Variants in MEMO1 observed in about 807,000 individuals in gnomAD.
MEMO1 encodes mediator of cell motility 1.
MEMO1 carries 6 observed loss-of-function variants against 45.2 expected under a neutral mutation model. The ratio of observed to expected loss-of-function variants is 0.13; its 90% CI spans 0.07 to 0.26. MEMO1 has a LOEUF of 0.26. Ranked by LOEUF, MEMO1 falls within the 10% of genes least tolerant of loss-of-function variation. The pLI is 1.00. For missense variants in MEMO1, 184 were observed against 370.5 expected (o/e 0.50, Z 4.13); for synonymous variants, 78 against 124.3 (o/e 0.63, Z 2.48).
intron 6 of MEMO1, among the ~76,000 whole-genome samples, chr2:31,896,106 G>C (rs1206628418): frequency 6.6e-6 from 1 of 152,108 alleles, no homozygotes; most frequent in African/African-American, 2.4e-5. Flanking sequence ...GCCTCCCAAA[G>C]TGCTGGGATT....
chr2:31,970,997 C>T (rs1669329929), intron 2 of MEMO1, among the ~76,000 whole-genome samples: 1 of 152,124 alleles, frequency 6.6e-6, no homozygotes, highest in African/African-American at 2.4e-5. Flanking sequence ...GAGCGAGACT[C>T]CATCTCAAAA....
intron 2 of MEMO1, among the ~76,000 whole-genome samples, chr2:32,009,671 G>A (rs1007435825): frequency 6.6e-6 from 1 of 152,116 alleles, no homozygotes; most frequent in African/African-American, 2.4e-5. Flanking sequence ...GGCACTCCCC[G>A]GACCGCCAGC....
At chr2:31,970,336 A>G (rs1363938711) in intron 2 of MEMO1, among the ~76,000 whole-genome samples, 2 of 152,110 alleles carry the variant, frequency 1.3e-5, no homozygotes, top group African/African-American at 2.4e-5. Context: ...TCTCACGACA[A>G]TTTTACGTTT....
intron 2 of MEMO1, among the ~76,000 whole-genome samples, chr2:31,960,694 T>C (rs555965978): frequency 3.9e-5 from 6 of 152,160 alleles, no homozygotes; most frequent in Non-Finnish European, 8.8e-5. Flanking sequence ...CAAGCAATTC[T>C]TGTGCCTCAG....
intron 9 of MEMO1, 42 bp downstream of exon 9, chr2:31,869,806 A>G (rs1262455617): frequency 1.3e-6 from 2 of 1,560,704 alleles, no homozygotes; most frequent in Non-Finnish European, 1.7e-6. Context: ...GGAATATCAT[A>G]TGACCAAATG....
intron 6 of MEMO1, among the ~76,000 whole-genome samples, chr2:31,902,484 A>G (rs1005524464): frequency 7.9e-5 from 12 of 152,160 alleles, no homozygotes; most frequent in Non-Finnish European, 1.5e-4. Flanking sequence ...TGCAGAAGAA[A>G]AAAAAGAAAA....
intron 2 of MEMO1, among the ~76,000 whole-genome samples, chr2:31,986,701 G>A (rs188516938): frequency 7.4e-4 from 113 of 152,198 alleles, no homozygotes; most frequent in East Asian, 7.7e-4. Context: ...TATTCTAAAG[G>A]AGACAGGCAG....
chr2:31,881,666 T>A (rs1268958067), intron 8 of MEMO1, among the ~76,000 whole-genome samples: 2 of 152,126 alleles, frequency 1.3e-5, no homozygotes, highest in African/African-American at 4.8e-5. Context: ...ATGCTTTTTT[T>A]ATAGCTCTTT....
intron 2 of MEMO1, among the ~76,000 whole-genome samples, chr2:32,005,728 C>T (rs953422127): frequency 6.6e-6 from 1 of 152,110 alleles, no homozygotes; most frequent in Non-Finnish European, 1.5e-5. Flanking sequence ...CCAATACTTC[C>T]CACTTGCTAA....
intron 8 of MEMO1, among the ~76,000 whole-genome samples, chr2:31,873,469 TA>T (rs1329262422): frequency 2.6e-5 from 4 of 152,112 alleles, no homozygotes; most frequent in Non-Finnish European, 4.4e-5. Flanking sequence ...AACCCCAAAC[TA>T]AATAGGCAGT....
chr2:31,955,372 T>A (rs1667296993), intron 2 of MEMO1, among the ~76,000 whole-genome samples: 1 of 152,192 alleles, frequency 6.6e-6, no homozygotes, highest in South Asian at 2.1e-4. Context: ...AATAAACACA[T>A]TAATTTTACC....
intron 8 of MEMO1, among the ~76,000 whole-genome samples, chr2:31,873,317 C>G (rs1168299707): frequency 6.6e-6 from 1 of 152,098 alleles, no homozygotes; most frequent in African/African-American, 2.4e-5. Flanking sequence ...ATCAAGGATA[C>G]AGGTTTCTGA....
chr2:31,870,807 A>G (rs996864615), intron 8 of MEMO1, among the ~76,000 whole-genome samples: 23 of 152,228 alleles, frequency 1.5e-4, no homozygotes, highest in African/African-American at 5.1e-4. Flanking sequence ...TGAACTCCTG[A>G]CCTCAAGTGA....
intron 2 of MEMO1, among the ~76,000 whole-genome samples, chr2:31,967,124 A>ATT (rs35691981): frequency 8.4e-6 from 1 of 118,406 alleles, no homozygotes. Flanking sequence ...TCAGTATTTT[A>ATT]TTTTTTTTTT....
chr2:31,893,330 TA>T, intron 6 of MEMO1: 1 of 1,168,488 alleles, frequency 8.6e-7, no homozygotes. Flanking sequence ...ATCTATGGAG[TA>T]AGAGAAAAAA....
chr2:31,933,346 A>ATTTTTATATATATAT (rs869211483), intron 3 of MEMO1, among the ~76,000 whole-genome samples: 1 of 25,508 alleles, frequency 3.9e-5, no homozygotes, highest in Non-Finnish European at 6.7e-5. Context: ...AAAAAAAAAA[A>ATTTTTATATATATAT]AAATTTATAT....
chr2:31,920,468 G>A (rs375097627), intron 5 of MEMO1, among the ~76,000 whole-genome samples: 8 of 151,928 alleles, frequency 5.3e-5, no homozygotes, highest in Non-Finnish European at 8.8e-5. Context: ...AAATTAACAC[G>A]CCCAGAATCT....
intron 2 of MEMO1, among the ~76,000 whole-genome samples, chr2:31,960,141 G>A (rs1412666667): frequency 3.3e-5 from 5 of 151,440 alleles, no homozygotes; most frequent in African/African-American, 1.2e-4. Flanking sequence ...AAGTTGCAGT[G>A]AGTCGATATC....
chr2:31,915,537 C>T (rs1681310036), intron 6 of MEMO1, among the ~76,000 whole-genome samples: 1 of 151,520 alleles, frequency 6.6e-6, no homozygotes, highest in African/African-American at 2.4e-5. Context: ...TCTGGTTTTA[C>T]TCTCTTGATC....
Sources: gnomAD v4.1 joint callset for allele counts (sites outside exome capture counted in the v4.1 genomes callset) on GRCh38, gnomAD v4.1.1 for gene constraint, MANE v1.5 for transcripts, NCBI Gene and HGNC (gene_info 2026-07-23, HGNC 2026-07-21) for gene names.